Variants in QDPR observed in about 807,000 individuals in gnomAD.
The protein encoded by QDPR is dihydropteridine reductase.
QDPR carries 23 observed loss-of-function variants against 31.7 expected under a neutral mutation model. That is an observed-to-expected ratio of 0.73 (90% CI 0.52 to 1.03). The LOEUF (loss-of-function observed/expected upper bound fraction) is 1.03. Among genes scored for constraint, QDPR ranks in the 50% least tolerant of loss-of-function variants. QDPR has a pLI of 0.00. For synonymous variants in QDPR, 124 were observed against 124.7 expected (o/e 0.99, Z 0.03); for missense variants, 324 against 323.8 (o/e 1.00, Z 0.00).
chr4:17,493,259 C>T (rs896828043), intron 4 of QDPR, among the ~76,000 whole-genome samples: 22 of 152,058 alleles, frequency 1.4e-4, no homozygotes, highest in African/African-American at 4.8e-4. Context: ...TCCTGGGCAA[C>T]GTAGTGGGAC....
At chr4:17,505,692 T>C (rs923226705) in intron 2 of QDPR, among the ~76,000 whole-genome samples, 1 of 152,198 alleles carries the variant, frequency 6.6e-6, no homozygotes, top group African/African-American at 2.4e-5. Context: ...TCTCTACATT[T>C]AGTTTTTTTT....
intron 6 of QDPR, among the ~76,000 whole-genome samples, chr4:17,487,932 T>C (rs1479617724): frequency 6.6e-6 from 1 of 152,220 alleles, no homozygotes; most frequent in Non-Finnish European, 1.5e-5. Flanking sequence ...CATTTTGGTA[T>C]TTTTCTACAT....
chr4:17,504,636 G>A (rs149747434), intron 2 of QDPR, among the ~76,000 whole-genome samples, 161 bp from the exon 3 acceptor site: 122 of 152,264 alleles, frequency 8.0e-4, no homozygotes, highest in African/African-American at 2.8e-3. Flanking sequence ...GCTCTGATGA[G>A]CATTTTAGAC....
chr4:17,503,366 A>G (rs1193620995), intron 3 of QDPR, among the ~76,000 whole-genome samples: 1 of 152,224 alleles, frequency 6.6e-6, no homozygotes, highest in Non-Finnish European at 1.5e-5. Context: ...ATATGGGCTC[A>G]ATATCATTAA....
intron 3 of QDPR, 52 bp from the exon 4 acceptor site, chr4:17,501,911 G>T (rs768123043): frequency 6.2e-7 from 1 of 1,611,806 alleles, no homozygotes; most frequent in South Asian, 1.1e-5. Context: ...AAACCAAAAG[G>T]TGAGCTCAAC....
chr4:17,499,413 A>G (rs1047891732), intron 4 of QDPR, among the ~76,000 whole-genome samples: 2 of 152,176 alleles, frequency 1.3e-5, no homozygotes, highest in African/African-American at 2.4e-5. Context: ...TCAAGCTAAG[A>G]CTCATTTCTC....
rs549416247 is a variant in QDPR at position 17,492,261 on chromosome 4, C to T, written c.516G>A (p.Pro172=). Residue 172 remains proline, a synonymous_variant, in exon 5 of 7, where the codon CCG becomes CCA. Transcript: ENST00000281243. The stretch of plus-strand genomic sequence containing the variant: ...GCACAGCGATGGCGGCTGCCCCGGG[C>T]GGCATGCCGCTGTTCTTCCCAGCCA... ...QSLAGKNSGM[P]PGAAAIAVLP... 34 of 1,613,934 alleles carry T rather than the reference C, an allele frequency of 2.1e-5. No homozygotes were observed. Among genetic ancestry groups the T allele is most frequent in the East Asian group, 8.9e-5 (4 of 44,868 alleles).
rs368291191 is a variant in QDPR, at chr4:17,506,322, G to T, written c.199-1847C>A. Among the ~76,000 whole-genome samples the T allele has an allele frequency of 3.3e-5, 5 of 152,168 alleles. No homozygotes were observed. In the South Asian group the frequency reaches 1.0e-3, roughly 32 times the overall value. Reference sequence around the variant, plus strand: ...TTTTTGTATTTTTTTGTAGAGATGGGGTTTCGCCATGTTGCACAGGCTGGT... The same window carrying T: ...TTTTTGTATTTTTTTGTAGAGATGGTGTTTCGCCATGTTGCACAGGCTGGT... On this transcript the variant is annotated intron_variant, in intron 2 of 6. Transcript: ENST00000281243.
chr4:17,489,499 G>A (rs559427225), intron 6 of QDPR, among the ~76,000 whole-genome samples: 3 of 152,218 alleles, frequency 2.0e-5, no homozygotes, highest in African/African-American at 7.2e-5. Flanking sequence ...CATGATTCCT[G>A]GCATAGACAG....
In QDPR at chr4:17,511,960, G is replaced by T; in HGVS notation, c.95C>A (p.Ala32Asp). The change falls in exon 1 of 7, where the codon GCC (alanine) becomes GAC (aspartate). Residue 32 changes from alanine (A) to aspartate (D), a missense_variant. Physicochemically the swap from Ala to Asp is moderately radical, Grantham distance 126 (BLOSUM62 -2). Transcript: ENST00000281243. ...LGSRCVQAFR[A>D]RNWWVASVDV... Reference sequence around the variant, plus strand: ...AGCCCGCAGCATTACCCAGTTGCGGGCCCGAAAAGCCTGCACGCATCGAGA... The same window carrying T: ...AGCCCGCAGCATTACCCAGTTGCGGTCCCGAAAAGCCTGCACGCATCGAGA... The T allele has an allele frequency of 6.2e-7, 1 of 1,610,710 alleles. No individual in the cohort carries two copies. Among genetic ancestry groups the T allele is most frequent in the Non-Finnish European group, 8.5e-7 (1 of 1,179,080 alleles).
chr4:17,492,339 A>T lies in QDPR; in HGVS notation c.438T>A (p.Gly146=). 1 of 1,613,902 alleles carries T rather than the reference A, an allele frequency of 6.2e-7. No homozygotes were observed. The highest frequency in any genetic ancestry group is 1.3e-5 in the African/African-American group (1 of 75,062). ...CCTTGGCCATGCCGTACCCGATCAT[A>T]CCTGGGAAATGGGGAGAAGATGGCT... ...GAKAALDGTP[G]MIGYGMAKGA... is the part of the protein sequence containing the mutation. The change falls in exon 5 of 7, where the codon GGT becomes GGA. Residue 146 remains glycine (G), a splice_region_variant and synonymous_variant. Coordinates refer to ENST00000281243, the MANE Select transcript of QDPR (RefSeq NM_000320.3).
rs367767435 is a variant in QDPR at position 17,491,805 on chromosome 4, T to A, written c.545+427A>T. Among the ~76,000 whole-genome samples the A allele has an allele frequency of 3.9e-4, 59 of 152,028 alleles. 1 individual carries two copies. In the South Asian group the frequency reaches 0.012, roughly 31 times the overall value. On this transcript the variant is annotated intron_variant, in intron 5 of 6. Coordinates refer to ENST00000281243, the MANE Select transcript of QDPR (RefSeq NM_000320.3). ...ATACAAAACACAAACTGCAACATAA[T>A]AGTATTAAGAGGTGGGGTCTGCAGG...
chr4:17,487,568 C>T (rs190204555), intron 6 of QDPR, among the ~76,000 whole-genome samples: 3 of 152,192 alleles, frequency 2.0e-5, no homozygotes, highest in East Asian at 3.9e-4. Context: ...ATCACTTGCA[C>T]CCGGGAAGCA....
Position 17,490,464 on chromosome 4 carries a change from T to G in QDPR, c.629+198A>C, listed in dbSNP as rs1718120114. The stretch of plus-strand genomic sequence containing the variant: ...GGATTCATGTCGGCACTACCCATTC[T>G]GCCACTGTGCTGCCTGTCTCCAAGT... On this transcript the variant is annotated intron_variant, in intron 6 of 6. Transcript: ENST00000281243. 3 of 581,758 alleles carry G rather than the reference T, an allele frequency of 5.2e-6. No homozygotes were observed. The South Asian group carries it at 5.3e-5, about 10-fold the overall frequency. 36.0% of individuals were successfully genotyped at this position (581,758 alleles called of 1,614,324 possible). A position where few individuals can be genotyped will look rare whatever the true frequency, so the allele number is the denominator to read the frequency against.
At chr4:17,504,544 T>C in intron 2 of QDPR, 69 bp from the exon 3 acceptor site, 1 of 1,234,542 alleles carries the variant, frequency 8.1e-7, no homozygotes, top group Non-Finnish European at 1.2e-6. Flanking sequence ...TCTTTACGGA[T>C]ACTCAGTTTC....
intron 4 of QDPR, 187 bp from the exon 5 acceptor site, chr4:17,492,527 G>T: frequency 1.6e-6 from 1 of 625,384 alleles, no homozygotes; most frequent in Non-Finnish European, 2.9e-6. Flanking sequence ...GAGAAAGAGG[G>T]GATGGGAACA....
chr4:17,501,931 C>T, intron 3 of QDPR, 72 bp from the exon 4 acceptor site: 1 of 1,601,214 alleles, frequency 6.2e-7, no homozygotes, highest in Non-Finnish European at 8.5e-7. Context: ...CTCATGCAGC[C>T]CCACACTCAG....
In QDPR at chr4:17,509,383, T is replaced by G. The variant is rs1199769888; in HGVS notation, c.106-20A>C. 3.7e-6 allele frequency: 6 copies of G among 1,604,954 alleles called. No homozygotes were observed. The highest frequency in any genetic ancestry group is 5.1e-6 in the Non-Finnish European group (6 of 1,172,058). ...AACCCACTGGAAGGAGAAAACAGCTTTGGTTAAGAGGCAGTGAGTTGTTAT... is the reference window on the plus strand; with the variant it reads ...AACCCACTGGAAGGAGAAAACAGCTGTGGTTAAGAGGCAGTGAGTTGTTAT... On this transcript the variant is annotated intron_variant, in intron 1 of 6. Coordinates refer to ENST00000281243, the MANE Select transcript of QDPR (RefSeq NM_000320.3).
chr4:17,504,479 C>T lies in QDPR; in HGVS notation c.199-4G>A, dbSNP rs1239517129. On this transcript the variant is annotated splice_polypyrimidine_tract_variant and splice_region_variant and intron_variant, in intron 2 of 6. Coordinates refer to ENST00000281243, the MANE Select transcript of QDPR (RefSeq NM_000320.3). ...GCTTTCCAACCTCAGCAGTCACCTT[C>T]AACACAAGAACAAAAAAATGTATAA... 2 of 1,612,138 alleles carry T rather than the reference C, an allele frequency of 1.2e-6. No individual in the cohort carries two copies. Among genetic ancestry groups the T allele is most frequent in the Non-Finnish European group, 1.7e-6 (2 of 1,178,166 alleles).
Sources: allele counts gnomAD v4.1 joint callset (sites outside exome capture counted in the v4.1 genomes callset), GRCh38; gene constraint gnomAD v4.1.1; transcripts MANE v1.5; gene names NCBI Gene and HGNC (gene_info 2026-07-23, HGNC 2026-07-21).